TCF12: variants seen among roughly 807,000 people sequenced by gnomAD.
The protein encoded by TCF12 is transcription factor 12, also known as DNA-binding protein HTF4.
TCF12 carries 45 observed loss-of-function variants against 86.0 expected under a neutral mutation model. The ratio of observed to expected loss-of-function variants is 0.52; its 90% CI spans 0.41 to 0.67. The LOEUF is 0.67. TCF12 is among the 30% of genes least tolerant of loss of function. The probability of loss-of-function intolerance (pLI) is 0.00; values close to 1 mark genes in which losing one functional copy is unlikely to be tolerated. For synonymous variants in TCF12, 330 were observed against 299.6 expected (o/e 1.10, Z -1.05); for missense variants, 881 against 859.9 (o/e 1.02, Z -0.31).
chr15:56,939,065 C>G (rs1178611127), intron 3 of TCF12, among the ~76,000 whole-genome samples: 1 of 152,144 alleles, frequency 6.6e-6, no homozygotes, highest in African/African-American at 2.4e-5. Context: ...CTCCTACTTC[C>G]AGTTATTCTT....
intron 3 of TCF12, among the ~76,000 whole-genome samples, chr15:57,016,353 G>A (rs185032139): frequency 6.6e-6 from 1 of 152,296 alleles, no homozygotes; most frequent in East Asian, 1.9e-4. Flanking sequence ...TTTAGTTTAA[G>A]TGGAAAGGTC....
intron 3 of TCF12, among the ~76,000 whole-genome samples, chr15:57,016,898 A>T (rs1451884416): frequency 6.6e-6 from 1 of 152,204 alleles, no homozygotes; most frequent in African/African-American, 2.4e-5. Context: ...ACTGTGCATT[A>T]TAGATCTGGG....
intron 5 of TCF12, among the ~76,000 whole-genome samples, chr15:57,106,371 TACTA>T (rs2050133181): frequency 1.3e-5 from 2 of 152,248 alleles, no homozygotes; most frequent in Admixed American, 1.3e-4. Flanking sequence ...GAATTTTCTG[TACTA>T]ACTGACGCTT....
At chr15:57,232,235 A>T in intron 9 of TCF12, 56 bp from the exon 10 acceptor site, 1 of 1,604,562 alleles carries the variant, frequency 6.2e-7, no homozygotes, top group Non-Finnish European at 8.5e-7. Flanking sequence ...AAGCAACATC[A>T]AAATACAAGA....
At chr15:57,055,062 T>A (rs1300819192) in intron 3 of TCF12, among the ~76,000 whole-genome samples, 1 of 152,142 alleles carries the variant, frequency 6.6e-6, no homozygotes, top group Admixed American at 6.5e-5. Flanking sequence ...ATTTATTATA[T>A]ATGATACTAT....
intron 3 of TCF12, among the ~76,000 whole-genome samples, chr15:56,927,216 T>C (rs1419921387): frequency 6.6e-6 from 1 of 152,142 alleles, no homozygotes; most frequent in Non-Finnish European, 1.5e-5. Context: ...TCTGGCTAAT[T>C]TGGAGATGTA....
chr15:56,968,976 A>G (rs1457531793), intron 3 of TCF12, among the ~76,000 whole-genome samples: 2 of 152,200 alleles, frequency 1.3e-5, no homozygotes, highest in East Asian at 3.8e-4. Flanking sequence ...CTTCCACTGA[A>G]TAGACACTTT....
intron 5 of TCF12, among the ~76,000 whole-genome samples, chr15:57,124,365 G>A (rs2051475130): frequency 6.6e-6 from 1 of 152,176 alleles, no homozygotes; most frequent in African/African-American, 2.4e-5. Context: ...TGCTGAGACT[G>A]GCTAGGGAAT....
At chr15:57,135,338 A>T (rs1276511065) in intron 5 of TCF12, among the ~76,000 whole-genome samples, 1 of 152,220 alleles carries the variant, frequency 6.6e-6, no homozygotes, top group African/African-American at 2.4e-5. Context: ...AATTGTTCAA[A>T]TGAAAACATG....
chr15:56,963,132 G>C (rs1308559283), intron 3 of TCF12, among the ~76,000 whole-genome samples: 1 of 145,058 alleles, frequency 6.9e-6, no homozygotes, highest in East Asian at 2.0e-4. Context: ...CTTTATTCTA[G>C]CCTTTTCTAT....
chr15:57,247,145 C>A, intron 13 of TCF12: 1 of 559,696 alleles, frequency 1.8e-6, no homozygotes, highest in Non-Finnish European at 3.4e-6. Flanking sequence ...CTTCACTCCA[C>A]CGTCACTCCA....
At chr15:57,240,484 TA>T (rs1414788493) in intron 12 of TCF12, among the ~76,000 whole-genome samples, 1 of 152,186 alleles carries the variant, frequency 6.6e-6, no homozygotes, top group Non-Finnish European at 1.5e-5. Flanking sequence ...CCCTTGCCAA[TA>T]TTGTAGTCAA....
chr15:56,953,468 A>G (rs577641289), intron 3 of TCF12, among the ~76,000 whole-genome samples: 1 of 152,060 alleles, frequency 6.6e-6, no homozygotes, highest in South Asian at 2.1e-4. Flanking sequence ...CTTTTTTTCT[A>G]GAGGAGTTTG....
At chr15:57,099,867 A>T (rs1173526270) in intron 5 of TCF12, among the ~76,000 whole-genome samples, 2 of 151,302 alleles carry the variant, frequency 1.3e-5, no homozygotes, top group Non-Finnish European at 2.9e-5. Context: ...GATATTTCAG[A>T]GTTTTTTTTT....
intron 3 of TCF12, among the ~76,000 whole-genome samples, chr15:57,005,691 C>G (rs188310290): frequency 1.3e-5 from 2 of 152,230 alleles, no homozygotes; most frequent in African/African-American, 4.8e-5. Context: ...ACTTCAGCCT[C>G]CTGAGTAGCT....
At chr15:56,938,335 A>G (rs566424005) in intron 3 of TCF12, among the ~76,000 whole-genome samples, 1 of 150,610 alleles carries the variant, frequency 6.6e-6, no homozygotes, top group East Asian at 2.0e-4. Flanking sequence ...TAATTTTTGT[A>G]TTTTTCATAG....
chr15:57,050,265 T>A (rs1305648751), intron 3 of TCF12, among the ~76,000 whole-genome samples: 2 of 152,300 alleles, frequency 1.3e-5, no homozygotes, highest in Non-Finnish European at 2.9e-5. Flanking sequence ...TTCTTTTTTT[T>A]TATAGTTGTG....
At chr15:57,142,304 TATAGATAG>T (rs60126987) in intron 5 of TCF12, among the ~76,000 whole-genome samples, 3 of 149,726 alleles carry the variant, frequency 2.0e-5, no homozygotes, top group South Asian at 2.2e-4. Flanking sequence ...CTCACACTTT[TATAGATAG>T]ATAGATAGAT....
chr15:56,973,932 A>G (rs2140788804), intron 3 of TCF12, among the ~76,000 whole-genome samples: 1 of 152,280 alleles, frequency 6.6e-6, no homozygotes, highest in East Asian at 1.9e-4. Flanking sequence ...AGACAGGCTC[A>G]CGTTAAAGGT....
Sources: allele counts gnomAD v4.1 joint callset (sites outside exome capture counted in the v4.1 genomes callset), GRCh38; gene constraint gnomAD v4.1.1; transcripts MANE v1.5; gene names NCBI Gene and HGNC (gene_info 2026-07-23, HGNC 2026-07-21).